TEKT5: variants seen among roughly 807,000 people sequenced by gnomAD.
TEKT5 encodes tektin-5.
Under a neutral mutation model 48.7 loss-of-function variants are expected in TEKT5, and 52 were observed. The ratio of observed to expected loss-of-function variants is 1.07; its 90% CI spans 0.86 to 1.35. The LOEUF is 1.35. Among genes scored for constraint, TEKT5 ranks in the 40% most tolerant of loss-of-function variants. The pLI is 0.00. For missense variants in TEKT5, 831 were observed against 641.6 expected (o/e 1.30, Z -3.19); for synonymous variants, 318 against 267.6 (o/e 1.19, Z -1.84).
chr16:10,648,943 AT>A (rs1180886231), intron 5 of TEKT5, among the ~76,000 whole-genome samples: 1 of 152,000 alleles, frequency 6.6e-6, no homozygotes, highest in African/African-American at 2.4e-5. Flanking sequence ...TTTCTCTTTT[AT>A]TTTCATTTTT....
chr16:10,694,032 C>T (rs1005796964), intron 1 of TEKT5, among the ~76,000 whole-genome samples: 7 of 152,154 alleles, frequency 4.6e-5, no homozygotes, highest in Non-Finnish European at 8.8e-5. Flanking sequence ...CACACACATG[C>T]TCAGGCATGC....
intron 5 of TEKT5, among the ~76,000 whole-genome samples, chr16:10,662,914 T>A (rs1311894179): frequency 6.6e-6 from 1 of 152,208 alleles, no homozygotes; most frequent in Non-Finnish European, 1.5e-5. Context: ...AAGGCTAATA[T>A]GTCTTTGTTA....
intron 6 of TEKT5, 29 bp from the exon 7 acceptor site, chr16:10,627,828 G>A: frequency 6.3e-7 from 1 of 1,589,808 alleles, no homozygotes; most frequent in Non-Finnish European, 8.6e-7. Context: ...AGAAGGCACA[G>A]GTTATTCATT....
intron 1 of TEKT5, chr16:10,690,800 C>T (rs115579316): frequency 1.0e-6 from 1 of 985,122 alleles, no homozygotes; most frequent in Non-Finnish European, 1.2e-6. Flanking sequence ...ATTAGCAAAC[C>T]AGCCCGTGAT....
chr16:10,637,033 G>A lies in TEKT5; in HGVS notation c.1087-1115C>T, dbSNP rs564525019. 1.5e-4 allele frequency among the ~76,000 whole-genome samples: 22 copies of A among 148,804 alleles called. No homozygotes were observed. In the South Asian group the frequency reaches 3.4e-3, roughly 23 times the overall value. ...GTCTCGCTCTGTCACCAGGGCTGGC[G>A]TGCAGTGGTGCGATTTCGGCTCACT... On this transcript the variant is annotated intron_variant, in intron 5 of 6. Coordinates refer to ENST00000283025, the MANE Select transcript of TEKT5 (RefSeq NM_144674.2).
At chr16:10,674,727 G>A (rs1161516152) in intron 5 of TEKT5, among the ~76,000 whole-genome samples, 1 of 151,522 alleles carries the variant, frequency 6.6e-6, no homozygotes, top group Non-Finnish European at 1.5e-5. Context: ...GGCAGATGTA[G>A]GTGGGCTGAA....
intron 5 of TEKT5, among the ~76,000 whole-genome samples, chr16:10,671,102 T>C (rs938913122): frequency 2.6e-5 from 4 of 152,214 alleles, no homozygotes; most frequent in African/African-American, 9.7e-5. Flanking sequence ...ATTATATTAA[T>C]ACTTACAGTT....
At chr16:10,656,834 G>C (rs949829409) in intron 5 of TEKT5, among the ~76,000 whole-genome samples, 3 of 151,114 alleles carry the variant, frequency 2.0e-5, no homozygotes, top group African/African-American at 7.3e-5. Context: ...TTGATCTCCT[G>C]GGCTCAAGTG....
chr16:10,667,683 T>C lies in TEKT5; in HGVS notation c.1086+8276A>G, dbSNP rs534799911. 1.5e-3 allele frequency among the ~76,000 whole-genome samples: 221 copies of C among 152,314 alleles called. 1 individual carries two copies. Among genetic ancestry groups the C allele is most frequent in the African/African-American group, 5.1e-3 (213 of 41,562 alleles). On this transcript the variant is annotated intron_variant, in intron 5 of 6. Coordinates refer to ENST00000283025, the MANE Select transcript of TEKT5 (RefSeq NM_144674.2). ...CCCAAATTTCAGGTACTGGGCAGCA[T>C]CGTCATCATATTTCCCATATCCACA...
At position 10,628,611 on chromosome 16, in the gene TEKT5, G is replaced by A. The variant is rs1421783137; in HGVS notation, c.1242-812C>T. ...GGAGATTATTCAGCTATAATAAAAA[G>A]GAATGAAATACAGCTGGGTATGGTG... On this transcript the variant is annotated intron_variant, in intron 6 of 6. Transcript: ENST00000283025. Among the ~76,000 whole-genome samples, 5 of 152,260 alleles carry A rather than the reference G, an allele frequency of 3.3e-5. No homozygotes were observed. In the East Asian group the frequency reaches 9.6e-4, roughly 29 times the overall value.
In TEKT5 at chr16:10,676,011, C is replaced by T. The variant is rs754915834; in HGVS notation, c.1034G>A (p.Arg345His). The T allele has an allele frequency of 3.2e-5, 51 of 1,614,104 alleles. No homozygotes were observed. The highest frequency in any genetic ancestry group is 4.1e-5 in the Non-Finnish European group (48 of 1,180,050). ...CTTCACATCCGTCACCTCAGAGATGCGGGCGTTGAAGGCCAGGTTGGTGTC... is the reference window on the plus strand; with the variant it reads ...CTTCACATCCGTCACCTCAGAGATGTGGGCGTTGAAGGCCAGGTTGGTGTC... Reference protein sequence around the residue: ...FTDTNLAFNARISEVTDVKNK... With the variant: ...FTDTNLAFNAHISEVTDVKNK... The change falls in exon 5 of 7, where the codon CGC becomes CAC. Residue 345 changes from arginine (R) to histidine (H), a missense_variant. Physicochemically the swap from Arg to His is conservative, Grantham distance 29 (BLOSUM62 0). Transcript: ENST00000283025.
intron 5 of TEKT5, among the ~76,000 whole-genome samples, chr16:10,653,347 G>C (rs1046425200): frequency 2.0e-4 from 31 of 152,346 alleles, no homozygotes; most frequent in African/African-American, 7.2e-4. Flanking sequence ...GCATACAGTA[G>C]GCTGCCTGCC....
Position 10,627,756 on chromosome 16 carries a change from G to C in TEKT5, c.1285C>G (p.Leu429Val). ...VFTIDDTLQT[L>V]KLRLRETQDT... Reference sequence around the variant, plus strand: ...TGTGTCTCCCGCAGCCGCAGCTTGAGGGTCTGCAGGGTGTCGTCGATGGTG... The same window carrying C: ...TGTGTCTCCCGCAGCCGCAGCTTGACGGTCTGCAGGGTGTCGTCGATGGTG... The change falls in exon 7 of 7, where the codon CTC becomes GTC. Residue 429 changes from leucine (L) to valine (V), a missense_variant. By Grantham distance (32) the Leu-to-Val change is conservative (BLOSUM62 1). Transcript: ENST00000283025. The C allele has an allele frequency of 6.2e-7, 1 of 1,614,260 alleles. No homozygotes were observed. Among genetic ancestry groups the C allele is most frequent in the Non-Finnish European group, 8.5e-7 (1 of 1,180,050 alleles).
At chr16:10,673,291 C>G (rs1898581116) in intron 5 of TEKT5, among the ~76,000 whole-genome samples, 1 of 152,180 alleles carries the variant, frequency 6.6e-6, no homozygotes, top group Non-Finnish European at 1.5e-5. Flanking sequence ...ATCCAGCCCA[C>G]TGCCTAGTTT....
chr16:10,686,916 A>G (rs1288007899), intron 3 of TEKT5, among the ~76,000 whole-genome samples: 1 of 152,246 alleles, frequency 6.6e-6, no homozygotes, highest in Admixed American at 6.5e-5. Flanking sequence ...AAAAAAGAAG[A>G]AAATCCTGTC....
chr16:10,658,810 T>C (rs1024225285), intron 5 of TEKT5, among the ~76,000 whole-genome samples: 1 of 151,916 alleles, frequency 6.6e-6, no homozygotes, highest in Non-Finnish European at 1.5e-5. Context: ...CTCTGCCTCC[T>C]GGGTTCAAGC....
chr16:10,688,433 C>G (rs367663748), intron 3 of TEKT5, among the ~76,000 whole-genome samples: 1 of 152,328 alleles, frequency 6.6e-6, no homozygotes, highest in African/African-American at 2.4e-5. Flanking sequence ...TTGGAAGGTG[C>G]CCGCCCCCCC....
intron 5 of TEKT5, among the ~76,000 whole-genome samples, chr16:10,671,305 G>A (rs552341861): frequency 6.1e-4 from 93 of 152,274 alleles, no homozygotes; most frequent in African/African-American, 2.2e-3. Context: ...AATGAAACAT[G>A]ACAATGAACT....
rs994908727 is a variant in TEKT5 at position 10,635,915 on chromosome 16, G to A, written c.1090C>T (p.Leu364=). 6.2e-7 allele frequency: 1 copy of A among 1,613,716 alleles called. No individual in the cohort carries two copies. Among genetic ancestry groups the A allele is most frequent in the Non-Finnish European group, 8.5e-7 (1 of 1,180,004 alleles). Residue 364 remains leucine (L), a synonymous_variant, in exon 6 of 7, where the codon CTG becomes TTG. Transcript: ENST00000283025. ...TTCTCGGCCTGGAAGATCTCCTGCA[G>A]CGTCTGCGAGGGAACACACAGGTGT... is the stretch of plus-strand genomic sequence containing the variant. ...NKLQTQLAKT[L]QEIFQAENTI...
Sources: gnomAD v4.1 joint callset for allele counts (sites outside exome capture counted in the v4.1 genomes callset) on GRCh38, gnomAD v4.1.1 for gene constraint, MANE v1.5 for transcripts, NCBI Gene and HGNC (gene_info 2026-07-23, HGNC 2026-07-21) for gene names.